The following MYLK3 variants were observed in gnomAD, a reference collection of about 807,000 sequenced individuals.
MYLK3 encodes the protein MLC kinase.
MYLK3 carries 55 observed loss-of-function variants against 76.3 expected under a neutral mutation model. The observed-to-expected ratio is 0.72, with a 90% CI of 0.58 to 0.90. MYLK3 has a LOEUF of 0.90. Ranked by LOEUF, MYLK3 falls within the 40% of genes least tolerant of loss-of-function variation. The pLI is 0.00. For missense variants in MYLK3, 973 were observed against 1,053.6 expected (o/e 0.92, Z 1.06); for synonymous variants, 416 against 425.4 (o/e 0.98, Z 0.27).
chr16:46,737,610 G>C, intron 3 of MYLK3, 101 bp downstream of exon 3: 1 of 1,196,980 alleles, frequency 8.4e-7, no homozygotes, highest in Non-Finnish European at 1.2e-6. Context: ...CGCAAGAACA[G>C]CCCAGGAACA....
rs1222235829 is a variant in MYLK3 at position 46,702,318 on chromosome 16, A to T, written c.*5386T>A. On this transcript the variant is annotated 3_prime_UTR_variant, in exon 13 of 13. Transcript: ENST00000394809. ...TTCTTCATGGTTTATTTAACTGATT[A>T]AAAAGTTTTTTTGTCATGAATGTTT... Among the ~76,000 whole-genome samples, 2 of 152,150 alleles carry T rather than the reference A, an allele frequency of 1.3e-5. No homozygotes were observed. Among genetic ancestry groups the T allele is most frequent in the African/African-American group, 4.8e-5 (2 of 41,444 alleles).
intron 10 of MYLK3, chr16:46,711,091 G>T: frequency 2.6e-6 from 1 of 385,584 alleles, no homozygotes; most frequent in Non-Finnish European, 4.8e-6. Flanking sequence ...GGTATGCCCA[G>T]TTATCAAGTA....
upstream of MYLK3, among the ~76,000 whole-genome samples, chr16:46,750,672 G>A (rs543260901): frequency 1.1e-3 from 172 of 151,754 alleles, no homozygotes; most frequent in African/African-American, 3.9e-3. Flanking sequence ...CCAGCCTGGT[G>A]ACAGAGCAAG....
At chr16:46,732,800 C>G (rs72816891) in intron 3 of MYLK3, 132 bp from the exon 4 acceptor site, 7,529 of 686,046 alleles carry the variant, frequency 0.011, 64 homozygotes, top group Non-Finnish European at 0.015. Context: ...GACACCAGGG[C>G]AGGAGCTGAC....
chr16:46,709,445 A>AG (rs1410592155), intron 12 of MYLK3, 94 bp downstream of exon 12: 8 of 1,349,130 alleles, frequency 5.9e-6, no homozygotes, highest in Non-Finnish European at 8.0e-6. Flanking sequence ...AAAAAGAAGA[A>AG]AAAAAAAAAA....
intron 3 of MYLK3, among the ~76,000 whole-genome samples, chr16:46,736,695 G>C (rs1966869797): frequency 6.6e-6 from 1 of 152,172 alleles, no homozygotes; most frequent in African/African-American, 2.4e-5. Flanking sequence ...TTCTCTGCCT[G>C]TCACCACAGC....
At chr16:46,709,922 T>G (rs1966666081) in intron 11 of MYLK3, among the ~76,000 whole-genome samples, 1 of 152,194 alleles carries the variant, frequency 6.6e-6, no homozygotes, top group Admixed American at 6.5e-5. Context: ...AGGAACCACT[T>G]CCCAGAGGGG....
At chr16:46,746,595 A>G (rs1330746250) in intron 1 of MYLK3, among the ~76,000 whole-genome samples, 1 of 152,026 alleles carries the variant, frequency 6.6e-6, no homozygotes, top group Non-Finnish European at 1.5e-5. Context: ...AAATTTATTT[A>G]TTTATTTTTT....
intron 8 of MYLK3, among the ~76,000 whole-genome samples, chr16:46,723,156 C>G (rs1966816385): frequency 6.6e-6 from 1 of 151,990 alleles, no homozygotes; most frequent in Admixed American, 6.6e-5. Context: ...TCACTTCCCA[C>G]CCCATGGCAA....
At position 46,738,150 on chromosome 16, in the gene MYLK3, G is replaced by A. The variant is rs1462926565; in HGVS notation, c.569-7C>T. The A allele has an allele frequency of 6.6e-7, 1 of 1,508,818 alleles. No individual in the cohort carries two copies. The highest frequency in any genetic ancestry group is 8.8e-7 in the Non-Finnish European group (1 of 1,133,242). 93.5% of individuals were successfully genotyped at this position (1,508,818 alleles called of 1,614,324 possible). Reference sequence around the variant, plus strand: ...ACGTCCGCCTTCTGGCTCTCTACAGGAAAACAGGCAGGACAAAAATGCACT... The same window carrying A: ...ACGTCCGCCTTCTGGCTCTCTACAGAAAAACAGGCAGGACAAAAATGCACT... On this transcript the variant is annotated splice_region_variant and splice_polypyrimidine_tract_variant and intron_variant, in intron 2 of 12. Coordinates refer to ENST00000394809, the MANE Select transcript of MYLK3 (RefSeq NM_182493.3).
intron 7 of MYLK3, among the ~76,000 whole-genome samples, chr16:46,727,913 G>A (rs773235788): frequency 3.3e-5 from 5 of 152,198 alleles, no homozygotes; most frequent in Non-Finnish European, 7.3e-5. Context: ...AGGTCAAAGG[G>A]AAGAGGGGAT....
intron 1 of MYLK3, 28 bp from the exon 2 acceptor site, chr16:46,740,175 T>C (rs1358143092): frequency 6.3e-7 from 1 of 1,581,940 alleles, no homozygotes; most frequent in Non-Finnish European, 8.7e-7. Flanking sequence ...AAAAATGTCA[T>C]CATTATCATC....
chr16:46,718,612 C>T (rs1311617737), intron 9 of MYLK3, among the ~76,000 whole-genome samples: 4 of 152,282 alleles, frequency 2.6e-5, no homozygotes, highest in Non-Finnish European at 5.9e-5. Flanking sequence ...TCCTTCCACT[C>T]GTGGATGTGA....
rs1338952198 is a variant in MYLK3, at chr16:46,726,656, AGAAAGAAAAAGAAAGAAAGAGAAAGAAAG to A, written c.1914+551_1914+579del. 3 of 39,474 alleles carry A rather than the reference AGAAAGAAAAAGAAAGAAAGAGAAAGAAAG, an allele frequency of 7.6e-5. No homozygotes were observed. In the East Asian group the frequency reaches 0.083, roughly 1,096 times the overall value. 2.4% of individuals were successfully genotyped at this position (39,474 alleles called of 1,614,324 possible). ...AGAAAGTGAGAGAAAGAAAGAAAGA[AGAAAGAAAAAGAAAGAAAGAGAAAGAAAG>A]AAAGAAAGAAAGAAAGAAAGAAAGA... On this transcript the variant is annotated intron_variant, in intron 8 of 12. Coordinates refer to ENST00000394809, the MANE Select transcript of MYLK3 (RefSeq NM_182493.3).
rs775706296 is a variant in MYLK3 at position 46,729,682 on chromosome 16, C to A, written c.1574G>T (p.Arg525Leu). Residue 525 changes from arginine (R) to leucine (L), a missense_variant, in exon 6 of 13, where the codon CGG becomes CTG. Arg to Leu is a moderately radical substitution (Grantham distance 102). Around this residue, in one of 2 missense-constraint regions of MYLK3, gnomAD observed 332 missense variants for 416.6 expected, o/e 0.80. Transcript: ENST00000394809. ...VCQHEVLGGG[R>L]FGQVHRCTEK... ...TGTGCACCTGTGGACCTGGCCAAAC[C>A]GACCCCTGCAGAGACATAGCCACAC... The A allele has an allele frequency of 6.2e-7, 1 of 1,613,580 alleles. No individual in the cohort carries two copies. The highest frequency in any genetic ancestry group is 1.3e-5 in the African/African-American group (1 of 74,922).
At chr16:46,758,290 ACACACACACACACACTCTCTCTCT>A (rs1567294819) in intron 1 of MYLK3, among the ~76,000 whole-genome samples, 2 of 57,040 alleles carry the variant, frequency 3.5e-5, no homozygotes, top group East Asian at 2.3e-3. Flanking sequence ...ACACACACAC[ACACACACACACACACTCTCTCTCT>A]CTCTCTCTCT....
At chr16:46,709,414 C>G (rs535390079) in intron 12 of MYLK3, 125 bp downstream of exon 12, 3 of 1,071,708 alleles carry the variant, frequency 2.8e-6, no homozygotes, top group South Asian at 3.2e-5. Context: ...AGAGCAAGAC[C>G]CTGTCTATAA....
chr16:46,741,877 C>A (rs1471948113), intron 1 of MYLK3, among the ~76,000 whole-genome samples: 3 of 151,730 alleles, frequency 2.0e-5, no homozygotes, highest in East Asian at 3.9e-4. Context: ...ATTAAGTGAT[C>A]CTCTCACCTC....
At chr16:46,730,245 C>T (rs1966849841) in intron 5 of MYLK3, among the ~76,000 whole-genome samples, 1 of 152,146 alleles carries the variant, frequency 6.6e-6, no homozygotes, top group African/African-American at 2.4e-5. Context: ...CCTCACCCCA[C>T]ACCACCTGGG....
Sources: allele counts gnomAD v4.1 joint callset (sites outside exome capture counted in the v4.1 genomes callset), GRCh38; gene constraint gnomAD v4.1.1; regional missense constraint gnomAD v4.1.1; transcripts MANE v1.5; gene names NCBI Gene and HGNC (gene_info 2026-07-23, HGNC 2026-07-21).